The following CNNM2 variants were observed in gnomAD, a reference collection of about 807,000 sequenced individuals.
CNNM2 encodes the protein cyclin and CBS domain divalent metal cation transport mediator 2.
In CNNM2, 12 loss-of-function variants were observed where a neutral mutation model predicts 66.9. That is an observed-to-expected ratio of 0.18 (90% CI 0.11 to 0.29). The LOEUF (loss-of-function observed/expected upper bound fraction) is 0.29, where lower values mean the gene tolerates loss of function less well. Ranked by LOEUF, CNNM2 falls within the 10% of genes least tolerant of loss-of-function variation. The probability of loss-of-function intolerance (pLI) is 1.00; values close to 1 mark genes in which losing one functional copy is unlikely to be tolerated. For synonymous variants in CNNM2, 557 were observed against 501.8 expected (o/e 1.11, Z -1.47); for missense variants, 705 against 1,167.7 (o/e 0.60, Z 5.77).
intron 1 of CNNM2, among the ~76,000 whole-genome samples, chr10:103,038,591 C>T (rs1360585875): frequency 6.6e-6 from 1 of 152,182 alleles, no homozygotes; most frequent in Non-Finnish European, 1.5e-5. Flanking sequence ...AACCTCTACC[C>T]TCACCAAAAA....
Position 102,919,114 on chromosome 10 carries a change from G to A in CNNM2, c.634G>A (p.Val212Ile). ...AGGSGSTGGAVGGKGGSGVAG... is the reference protein window; with the variant it reads ...AGGSGSTGGAIGGKGGSGVAG... ...CGGCTCGGGGTCCACGGGTGGCGCCGTCGGGGGCAAGGGTGGCTCGGGGGT... is the reference window on the plus strand; with the variant it reads ...CGGCTCGGGGTCCACGGGTGGCGCCATCGGGGGCAAGGGTGGCTCGGGGGT... Residue 212 changes from valine to isoleucine, a missense_variant, in exon 1 of 8, where the codon GTC (valine) becomes ATC (isoleucine). Around this residue, in one of 9 missense-constraint regions of CNNM2, gnomAD observed 100 missense variants for 151.9 expected, o/e 0.66. Coordinates refer to ENST00000369878, the MANE Select transcript of CNNM2 (RefSeq NM_017649.5). The A allele has an allele frequency of 6.2e-7, 1 of 1,610,712 alleles. No individual in the cohort carries two copies. The highest frequency in any genetic ancestry group is 8.5e-7 in the Non-Finnish European group (1 of 1,179,052).
chr10:102,950,255 A>C (rs1846777600), intron 1 of CNNM2, among the ~76,000 whole-genome samples: 1 of 152,220 alleles, frequency 6.6e-6, no homozygotes, highest in Admixed American at 6.5e-5. Flanking sequence ...GAGGAAAAAT[A>C]ACTTCTAAGG....
intron 5 of CNNM2, among the ~76,000 whole-genome samples, chr10:103,069,344 C>T (rs949346112): frequency 6.6e-6 from 1 of 152,024 alleles, no homozygotes; most frequent in Non-Finnish European, 1.5e-5. Flanking sequence ...CTGGGACTGG[C>T]GCTACGTGTC....
Position 103,081,095 on chromosome 10 carries a change from G to A in CNNM2, c.*3915G>A. 1 of 152,280 alleles carries A rather than the reference G, an allele frequency of 6.6e-6. No homozygotes were observed. Among genetic ancestry groups the A allele is most frequent in the South Asian group, 2.1e-4 (1 of 4,838 alleles). 9.4% of individuals were successfully genotyped at this position (152,280 alleles called of 1,614,324 possible). A position where few individuals can be genotyped will look rare whatever the true frequency, so the allele number is the denominator to read the frequency against. On this transcript the variant is annotated 3_prime_UTR_variant, in exon 8 of 8. Coordinates refer to ENST00000369878, the MANE Select transcript of CNNM2 (RefSeq NM_017649.5). ...GCTGGCACAGGAAGGTGCTCACCTT[G>A]TTCTCTGGGGCTCCAAGCAAGAGCA... is the stretch of plus-strand genomic sequence containing the variant.
chr10:103,082,163 T>C lies in CNNM2; in HGVS notation c.*4983T>C, dbSNP rs1172158528. Reference sequence around the variant, plus strand: ...CAAGGTTTTCAGGTTTTAATGCCCATTGGGACCGTGAACAAATGAGAAGAA... The same window carrying C: ...CAAGGTTTTCAGGTTTTAATGCCCACTGGGACCGTGAACAAATGAGAAGAA... On this transcript the variant is annotated 3_prime_UTR_variant, in exon 8 of 8. Transcript: ENST00000369878. The C allele has an allele frequency of 6.6e-6, 1 of 152,240 alleles. No homozygotes were observed. Among genetic ancestry groups the C allele is most frequent in the African/African-American group, 2.4e-5 (1 of 41,450 alleles). The allele number at this position is 152,240 out of a possible 1,614,324, so 9.4% of individuals were successfully genotyped here.
At chr10:102,923,505 C>T (rs1845732946) in intron 1 of CNNM2, among the ~76,000 whole-genome samples, 1 of 152,182 alleles carries the variant, frequency 6.6e-6, no homozygotes, top group Non-Finnish European at 1.5e-5. Context: ...TAACCTCTCT[C>T]TTATGCTGCT....
At chr10:103,017,855 T>C (rs752068169) in intron 1 of CNNM2, among the ~76,000 whole-genome samples, 16 of 150,948 alleles carry the variant, frequency 1.1e-4, no homozygotes, top group Non-Finnish European at 2.2e-4. Flanking sequence ...TCCCAGCTAC[T>C]CGGGAGGCTG....
chr10:103,025,535 T>C (rs574327307), intron 1 of CNNM2, among the ~76,000 whole-genome samples: 2 of 152,380 alleles, frequency 1.3e-5, no homozygotes, highest in South Asian at 4.1e-4. Context: ...TTTGCCTGAA[T>C]CAATACATTT....
rs191238072 is a variant in CNNM2 at position 102,961,192 on chromosome 10, A to G, written c.1621+41091A>G. ...CATACCTGGTTCAACAGAATTTTAA[A>G]TAAGGCTGCACAGAAATATCCCATC... On this transcript the variant is annotated intron_variant, in intron 1 of 7. Coordinates refer to ENST00000369878, the MANE Select transcript of CNNM2 (RefSeq NM_017649.5). Among the ~76,000 whole-genome samples, 266 of 152,276 alleles carry G rather than the reference A, an allele frequency of 1.7e-3. 1 individual carries two copies. The highest frequency in any genetic ancestry group is 5.8e-3 in the African/African-American group (243 of 41,570).
chr10:103,003,985 ATTTTTTTTTTT>A (rs869152743), intron 1 of CNNM2, among the ~76,000 whole-genome samples: 4 of 83,996 alleles, frequency 4.8e-5, no homozygotes, highest in African/African-American at 9.6e-5. Context: ...CATTGCATGA[ATTTTTTTTTTT>A]TTTTTTTTTT....
In CNNM2 at chr10:103,082,065, G is replaced by T. The variant is rs193151788; in HGVS notation, c.*4885G>T. On this transcript the variant is annotated 3_prime_UTR_variant, in exon 8 of 8. Transcript: ENST00000369878. ...AAGGTTCTAGCTGCAAGAGAGTAAA[G>T]TTCTAGGTGTTTGTATGCCAAGGTT... The T allele has an allele frequency of 7.9e-5, 12 of 152,344 alleles. No individual in the cohort carries two copies. Among genetic ancestry groups the T allele is most frequent in the African/African-American group, 2.4e-4 (10 of 41,574 alleles). 9.4% of individuals were successfully genotyped at this position (152,344 alleles called of 1,614,324 possible). A position where few individuals can be genotyped will look rare whatever the true frequency, so the allele number is the denominator to read the frequency against.
Position 102,956,441 on chromosome 10 carries a change from A to G in CNNM2, c.1621+36340A>G, listed in dbSNP as rs981544606. Reference sequence around the variant, plus strand: ...TCCTCAAGGATCTGTAACTAGAAATACCGTTTGACCCAGCAATCCCATTAC... The same window carrying G: ...TCCTCAAGGATCTGTAACTAGAAATGCCGTTTGACCCAGCAATCCCATTAC... On this transcript the variant is annotated intron_variant, in intron 1 of 7. Transcript: ENST00000369878. Among the ~76,000 whole-genome samples the G allele has an allele frequency of 3.3e-5, 5 of 152,118 alleles. No homozygotes were observed. The South Asian group carries it at 1.0e-3, about 32-fold the overall frequency.
intron 1 of CNNM2, among the ~76,000 whole-genome samples, chr10:103,006,985 C>G (rs907048733): frequency 6.6e-6 from 1 of 152,140 alleles, no homozygotes; most frequent in Non-Finnish European, 1.5e-5. Context: ...CAATAAATTT[C>G]TATCAGGGGA....
At chr10:103,022,582 C>T (rs2064607776) in intron 1 of CNNM2, among the ~76,000 whole-genome samples, 1 of 152,182 alleles carries the variant, frequency 6.6e-6, no homozygotes, top group Non-Finnish European at 1.5e-5. Context: ...TTGCCAAATG[C>T]TACAAATCAG....
At chr10:102,980,205 A>T (rs1483440609) in intron 1 of CNNM2, among the ~76,000 whole-genome samples, 1 of 152,048 alleles carries the variant, frequency 6.6e-6, no homozygotes, top group Non-Finnish European at 1.5e-5. Context: ...GGCCTCCCAG[A>T]GTGCTGGGAT....
At position 103,052,970 on chromosome 10, in the gene CNNM2, A is replaced by G. The variant is rs150960526; in HGVS notation, c.1766-1359A>G. Among the ~76,000 whole-genome samples, 195 of 152,368 alleles carry G rather than the reference A, an allele frequency of 1.3e-3. 1 individual carries two copies. Among genetic ancestry groups the G allele is most frequent in the African/African-American group, 4.5e-3 (188 of 41,588 alleles). ...GCAGTCGCCTTCTCAGGAAAAGCCT[A>G]GTAATCAATCTGTTTTGCTTTATGC... On this transcript the variant is annotated intron_variant, in intron 2 of 7. Transcript: ENST00000369878.
chr10:102,974,597 G>A (rs1590334745), intron 1 of CNNM2, among the ~76,000 whole-genome samples: 1 of 151,956 alleles, frequency 6.6e-6, no homozygotes, highest in East Asian at 1.9e-4. Context: ...TTTGAGACAG[G>A]GTCTTGCCCT....
At chr10:103,020,109 A>G (rs2064541693) in intron 1 of CNNM2, among the ~76,000 whole-genome samples, 1 of 151,576 alleles carries the variant, frequency 6.6e-6, no homozygotes, top group South Asian at 2.1e-4. Context: ...CTATATTTTG[A>G]CTTTTTTAGC....
intron 1 of CNNM2, among the ~76,000 whole-genome samples, 159 bp from the exon 2 acceptor site, chr10:103,049,548 T>G (rs2065182600): frequency 6.6e-6 from 1 of 152,218 alleles, no homozygotes; most frequent in African/African-American, 2.4e-5. Context: ...TTGAAGTTCT[T>G]CCATTTGTTT....
Sources: allele counts gnomAD v4.1 joint callset (sites outside exome capture counted in the v4.1 genomes callset), GRCh38; gene constraint gnomAD v4.1.1; regional missense constraint gnomAD v4.1.1; transcripts MANE v1.5; gene names NCBI Gene and HGNC (gene_info 2026-07-23, HGNC 2026-07-21).